C6: variants seen among roughly 807,000 people sequenced by gnomAD.
C6 encodes complement C6, also known as complement component C6.
In C6, 101 loss-of-function variants were observed where a neutral mutation model predicts 112.9. The ratio of observed to expected loss-of-function variants is 0.89; its 90% CI spans 0.76 to 1.06. C6 has a LOEUF of 1.06. C6 is among the 50% of genes least tolerant of loss of function. The pLI, the probability that C6 is intolerant of heterozygous loss-of-function variation, is 0.00. For missense variants in C6, 1,202 were observed against 1,104.6 expected (o/e 1.09, Z -1.25); for synonymous variants, 431 against 384.1 (o/e 1.12, Z -1.43).
At chr5:41,225,444 C>A (rs1459819181) in intron 1 of C6, among the ~76,000 whole-genome samples, 10 of 152,184 alleles carry the variant, frequency 6.6e-5, no homozygotes, top group Non-Finnish European at 1.5e-4. Flanking sequence ...ATATGTGCCA[C>A]ATTTTCTTAA....
chr5:41,185,260 G>A (rs939301184), intron 6 of C6, among the ~76,000 whole-genome samples: 5 of 152,076 alleles, frequency 3.3e-5, no homozygotes, highest in Non-Finnish European at 7.4e-5. Context: ...TGAGTGAATT[G>A]AATTGGAAAA....
intron 5 of C6, among the ~76,000 whole-genome samples, chr5:41,188,108 A>T (rs1378370903): frequency 6.6e-6 from 1 of 152,198 alleles, no homozygotes; most frequent in Non-Finnish European, 1.5e-5. Flanking sequence ...AAAAGTATAA[A>T]CAATGTTGAA....
chr5:41,260,564 G>A (rs1426093723), intron 1 of C6, among the ~76,000 whole-genome samples: 1 of 151,790 alleles, frequency 6.6e-6, no homozygotes, highest in East Asian at 1.9e-4. Flanking sequence ...GAGGTTGGGA[G>A]TTCGAGACCA....
At chr5:41,153,686 C>T in intron 15 of C6, 124 bp downstream of exon 15, 1 of 732,454 alleles carries the variant, frequency 1.4e-6, no homozygotes, top group Non-Finnish European at 2.4e-6. Flanking sequence ...TTGACCCACA[C>T]TGTCTAAACT....
At chr5:41,155,679 T>C (rs1249140847) in intron 13 of C6, among the ~76,000 whole-genome samples, 1 of 151,888 alleles carries the variant, frequency 6.6e-6, no homozygotes, top group African/African-American at 2.4e-5. Context: ...TGGTGAGCCA[T>C]GATTGTTCCA....
intron 1 of C6, among the ~76,000 whole-genome samples, chr5:41,206,447 G>A (rs1034835775): frequency 2.0e-5 from 3 of 152,132 alleles, no homozygotes; most frequent in Non-Finnish European, 2.9e-5. Context: ...GAGGATGTTT[G>A]AACCCATTGC....
At chr5:41,180,833 A>T (rs1381485045) in intron 7 of C6, among the ~76,000 whole-genome samples, 1 of 91,546 alleles carries the variant, frequency 1.1e-5, no homozygotes, top group Non-Finnish European at 2.4e-5. Context: ...ATGAGGAATT[A>T]AAAAAAAAAA....
At chr5:41,159,620 GA>G (rs1747276164) in intron 11 of C6, among the ~76,000 whole-genome samples, 1 of 149,482 alleles carries the variant, frequency 6.7e-6, no homozygotes, top group Admixed American at 6.6e-5. Flanking sequence ...ACTTTTAAAG[GA>G]AGTAGTATAC....
At position 41,186,942 on chromosome 5, in the gene C6, A is replaced by T. The variant is rs191046900; in HGVS notation, c.588-734T>A. Among the ~76,000 whole-genome samples the T allele has an allele frequency of 2.7e-3, 408 of 152,284 alleles. 1 individual carries two copies. Among genetic ancestry groups the T allele is most frequent in the Non-Finnish European group, 4.4e-3 (302 of 68,020 alleles). On this transcript the variant is annotated intron_variant, in intron 5 of 17. Transcript: ENST00000337836. Reference sequence around the variant, plus strand: ...ATAAAAAAACTTCTCCAAGATGCTAATGCTTTTCCAAATTCTAAGAGATAT... The same window carrying T: ...ATAAAAAAACTTCTCCAAGATGCTATTGCTTTTCCAAATTCTAAGAGATAT...
intron 1 of C6, among the ~76,000 whole-genome samples, chr5:41,253,436 T>C (rs944294908): frequency 6.6e-6 from 1 of 152,204 alleles, no homozygotes; most frequent in African/African-American, 2.4e-5. Flanking sequence ...TGAACTCTAG[T>C]TGGCTGTACA....
chr5:41,250,827 GCTGA>G (rs1357029710), intron 1 of C6, among the ~76,000 whole-genome samples: 2 of 152,170 alleles, frequency 1.3e-5, no homozygotes, highest in African/African-American at 4.8e-5. Context: ...TACCTCAGAA[GCTGA>G]CTAATATAGT....
At chr5:41,165,078 G>A (rs1488849055) in intron 9 of C6, among the ~76,000 whole-genome samples, 1 of 152,052 alleles carries the variant, frequency 6.6e-6, no homozygotes, top group East Asian at 1.9e-4. Context: ...TTATATGTAA[G>A]GTTTTAAAAC....
At chr5:41,218,284 T>C (rs1256836914), upstream of C6, among the ~76,000 whole-genome samples, 1 of 152,134 alleles carries the variant, frequency 6.6e-6, no homozygotes, top group African/African-American at 2.4e-5. Context: ...CTTTTCATCA[T>C]ATTCACTGTA....
chr5:41,236,152 C>A (rs1319029403), intron 1 of C6, among the ~76,000 whole-genome samples: 3 of 103,862 alleles, frequency 2.9e-5, no homozygotes, highest in African/African-American at 8.0e-5. Context: ...AGTCCTTGCC[C>A]ACGCCTATGT....
At chr5:41,208,853 C>A (rs1030928904) in intron 1 of C6, among the ~76,000 whole-genome samples, 1 of 152,072 alleles carries the variant, frequency 6.6e-6, no homozygotes, top group Non-Finnish European at 1.5e-5. Context: ...AAGAGGGAAT[C>A]CTCCCTAACT....
At chr5:41,220,899 C>T (rs1739124908) in intron 1 of C6, among the ~76,000 whole-genome samples, 3 of 151,988 alleles carry the variant, frequency 2.0e-5, no homozygotes, top group Admixed American at 1.3e-4. Flanking sequence ...TTGCTCTCAT[C>T]TTTATGTCCA....
intron 1 of C6, among the ~76,000 whole-genome samples, chr5:41,224,686 A>T (rs1179224251): frequency 6.6e-6 from 1 of 151,960 alleles, no homozygotes; most frequent in East Asian, 1.9e-4. Flanking sequence ...CTGTTTGGCT[A>T]TTATGAATAA....
At chr5:41,211,519 A>C (rs1374031015) in intron 1 of C6, among the ~76,000 whole-genome samples, 1 of 152,068 alleles carries the variant, frequency 6.6e-6, no homozygotes, top group Non-Finnish European at 1.5e-5. Context: ...GTAGCCAGAT[A>C]GAATTTAAGT....
chr5:41,214,809 A>C (rs1303182970), upstream of C6, among the ~76,000 whole-genome samples: 1 of 152,154 alleles, frequency 6.6e-6, no homozygotes, highest in Non-Finnish European at 1.5e-5. Flanking sequence ...AGAGAGATGC[A>C]AAGTTAGGTG....
Sources: gnomAD v4.1 joint callset for allele counts (sites outside exome capture counted in the v4.1 genomes callset) on GRCh38, gnomAD v4.1.1 for gene constraint, MANE v1.5 for transcripts, NCBI Gene and HGNC (gene_info 2026-07-23, HGNC 2026-07-21) for gene names.